GON4L: variants seen among roughly 807,000 people sequenced by gnomAD.
The protein encoded by GON4L is GON-4-like protein.
Under a neutral mutation model 211.8 loss-of-function variants are expected in GON4L, and 87 were observed. That is an observed-to-expected ratio of 0.41 (90% CI 0.35 to 0.49). The LOEUF is 0.49. Ranked by LOEUF, GON4L falls within the 20% of genes least tolerant of loss-of-function variation. The pLI is 0.15. For synonymous variants in GON4L, 875 were observed against 962.6 expected (o/e 0.91, Z 1.68); for missense variants, 2,155 against 2,659.5 (o/e 0.81, Z 4.17).
intron 19 of GON4L, among the ~76,000 whole-genome samples, chr1:155,768,615 A>C (rs954104527): frequency 1.4e-4 from 21 of 151,888 alleles, no homozygotes; most frequent in Non-Finnish European, 2.6e-4. Flanking sequence ...CATCTCAAAA[A>C]AAAAAAAAAA....
intron 2 of GON4L, among the ~76,000 whole-genome samples, chr1:155,827,594 G>C (rs967991808): frequency 6.6e-6 from 1 of 152,064 alleles, no homozygotes; most frequent in African/African-American, 2.4e-5. Context: ...GCTGAGCTGG[G>C]AGGATGGCTT....
At chr1:155,784,302 A>AG (rs1245951862) in intron 13 of GON4L, 1 of 550,732 alleles carries the variant, frequency 1.8e-6, no homozygotes, top group African/African-American at 1.9e-5. Flanking sequence ...TCAACCAGTC[A>AG]ACTTGTAACA....
intron 2 of GON4L, chr1:155,846,067 G>A: frequency 4.5e-6 from 1 of 221,128 alleles, no homozygotes; most frequent in Admixed American, 4.3e-5. Context: ...AGGTCTTCAA[G>A]CTGCTGCCAG....
At chr1:155,748,008 A>G, downstream of GON4L, 1 of 1,604,406 alleles carries the variant, frequency 6.2e-7, no homozygotes, top group Non-Finnish European at 8.5e-7. Context: ...CGTCTATTAA[A>G]CACAGCTTTT....
chr1:155,767,211 C>T, intron 20 of GON4L: 1 of 1,206,434 alleles, frequency 8.3e-7, no homozygotes, highest in Non-Finnish European at 1.1e-6. Context: ...TGTGAATTTC[C>T]TTTAGCAAAT....
At chr1:155,802,328 T>C (rs1666753279) in intron 11 of GON4L, among the ~76,000 whole-genome samples, 2 of 148,644 alleles carry the variant, frequency 1.3e-5, no homozygotes, top group African/African-American at 4.9e-5. Context: ...GGGGGAAGGC[T>C]TTAATTGTTT....
At chr1:155,758,472 C>A (rs1226527237) in intron 24 of GON4L, among the ~76,000 whole-genome samples, 1 of 152,078 alleles carries the variant, frequency 6.6e-6, no homozygotes, top group Admixed American at 6.6e-5. Context: ...TATGTCTCTA[C>A]AAAAAAATTT....
chr1:155,767,366 T>A, intron 20 of GON4L, 59 bp downstream of exon 20: 1 of 1,613,914 alleles, frequency 6.2e-7, no homozygotes, highest in African/African-American at 1.3e-5. Flanking sequence ...CCCTTGATAT[T>A]CTCTCAGAAC....
intron 2 of GON4L, among the ~76,000 whole-genome samples, chr1:155,837,506 T>C (rs901095393): frequency 1.3e-5 from 2 of 152,144 alleles, no homozygotes; most frequent in East Asian, 1.9e-4. Flanking sequence ...CTCTCTAGGA[T>C]TGTGGGTCCC....
intron 14 of GON4L, among the ~76,000 whole-genome samples, chr1:155,781,225 C>T (rs1327100534): frequency 1.3e-5 from 2 of 151,790 alleles, no homozygotes; most frequent in African/African-American, 4.8e-5. Context: ...TCACTGCAAC[C>T]TCTGCCTCCC....
At position 155,853,798 on chromosome 1, in the gene GON4L, T is replaced by C; in HGVS notation, c.-18A>G. The C allele has an allele frequency of 6.2e-7, 1 of 1,608,062 alleles. No homozygotes were observed. Among genetic ancestry groups the C allele is most frequent in the Non-Finnish European group, 8.5e-7 (1 of 1,174,736 alleles). ...GGCAACATTTTAAAAGTCCCACTTT[T>C]GTTCCATTCTGAAAGAATAAAAAGT... On this transcript the variant is annotated 5_prime_UTR_variant, in exon 2 of 32. Transcript: ENST00000368331.
chr1:155,771,378 T>G (rs201008630), intron 18 of GON4L, among the ~76,000 whole-genome samples, 161 bp from the exon 19 acceptor site: 2 of 152,220 alleles, frequency 1.3e-5, no homozygotes, highest in East Asian at 3.8e-4. Context: ...CGCAGCTCAC[T>G]GCAACCTCTA....
At chr1:155,838,846 G>T (rs1418555270) in intron 2 of GON4L, among the ~76,000 whole-genome samples, 2 of 151,074 alleles carry the variant, frequency 1.3e-5, no homozygotes, top group Non-Finnish European at 2.9e-5. Flanking sequence ...GCTTATAAGT[G>T]AACTTTTTGT....
At position 155,819,010 on chromosome 1, in the gene GON4L, C is replaced by T. The variant is rs537070256; in HGVS notation, c.1014+1596G>A. Among the ~76,000 whole-genome samples, 139 of 142,150 alleles carry T rather than the reference C, an allele frequency of 9.8e-4. 1 individual carries two copies. The highest frequency in any genetic ancestry group is 1.8e-3 in the Non-Finnish European group (114 of 65,110). 93.3% of individuals were successfully genotyped at this position (142,150 alleles called of 152,430 possible). On this transcript the variant is annotated intron_variant, in intron 6 of 31. Coordinates refer to ENST00000368331, the MANE Select transcript of GON4L (RefSeq NM_001282860.2). The stretch of plus-strand genomic sequence containing the variant: ...GAGACTCCATCTCAAAACAAAAAGG[C>T]CAGGCACAGTGGCTCATGCCTGTAA...
intron 21 of GON4L, 187 bp downstream of exon 21, chr1:155,764,813 A>C (rs1285670334): frequency 5.6e-6 from 8 of 1,426,008 alleles, no homozygotes; most frequent in Non-Finnish European, 6.9e-6. Context: ...TAATATAATA[A>C]GTAAAATTTC....
rs188394564 is a variant in GON4L, at chr1:155,840,601, A to G, written c.505+12675T>C. Among the ~76,000 whole-genome samples the G allele has an allele frequency of 4.8e-4, 73 of 152,274 alleles. No homozygotes were observed. In the East Asian group the frequency reaches 0.014, roughly 29 times the overall value. The stretch of plus-strand genomic sequence containing the variant: ...CTTATCGGGTGCTATTAACTAATCA[A>G]TGTGCTTTTGAGTTACAGGGCTTTG... On this transcript the variant is annotated intron_variant, in intron 2 of 31. Transcript: ENST00000368331.
At chr1:155,836,103 G>A (rs1670267979) in intron 2 of GON4L, among the ~76,000 whole-genome samples, 1 of 152,128 alleles carries the variant, frequency 6.6e-6, no homozygotes, top group South Asian at 2.1e-4. Context: ...AAATTAGCCA[G>A]CCATGGTGGT....
intron 2 of GON4L, chr1:155,845,817 C>G (rs1266622866): frequency 4.0e-6 from 1 of 247,638 alleles, no homozygotes; most frequent in East Asian, 1.0e-4. Flanking sequence ...GGAACTTCAG[C>G]CTTGAAAACA....
At chr1:155,778,175 C>T (rs190945160) in intron 14 of GON4L, among the ~76,000 whole-genome samples, 1 of 152,264 alleles carries the variant, frequency 6.6e-6, no homozygotes, top group African/African-American at 2.4e-5. Flanking sequence ...CTCTCATTTA[C>T]TTGTTACTCC....
Sources: gnomAD v4.1 joint callset for allele counts (sites outside exome capture counted in the v4.1 genomes callset) on GRCh38, gnomAD v4.1.1 for gene constraint, MANE v1.5 for transcripts, NCBI Gene and HGNC (gene_info 2026-07-23, HGNC 2026-07-21) for gene names.